The following GREB1L variants were observed in gnomAD, a reference collection of about 807,000 sequenced individuals.
GREB1L encodes the protein GREB1-like protein.
In GREB1L, 17 loss-of-function variants were observed where a neutral mutation model predicts 200.8. That is an observed-to-expected ratio of 0.08 (90% CI 0.06 to 0.13). GREB1L has a LOEUF of 0.13. GREB1L is among the 10% of genes least tolerant of loss of function. The probability of loss-of-function intolerance (pLI) is 1.00; values close to 1 mark genes in which losing one functional copy is unlikely to be tolerated. For missense variants in GREB1L, 1,657 were observed against 2,367.7 expected, an observed-to-expected ratio of 0.70 and a Z score of 6.23; for synonymous variants, 789 against 893.0, an observed-to-expected ratio of 0.88 and a Z score of 2.08.
intron 21 of GREB1L, among the ~76,000 whole-genome samples, chr18:21,497,801 T>TC (rs1598930294): frequency 4.0e-4 from 34 of 85,606 alleles, no homozygotes; most frequent in Non-Finnish European, 6.6e-4. Flanking sequence ...CCCCTCCTTC[T>TC]CCCCTCACCA....
chr18:21,300,606 A>G (rs75221057), intron 1 of GREB1L, among the ~76,000 whole-genome samples: 3,602 of 152,290 alleles, frequency 0.024, 157 homozygotes, highest in Admixed American at 0.11. Context: ...GTTTTAATCT[A>G]TAAAATCAAC....
intron 7 of GREB1L, among the ~76,000 whole-genome samples, chr18:21,411,862 G>A (rs1056652705): frequency 6.6e-6 from 1 of 151,484 alleles, no homozygotes; most frequent in East Asian, 2.0e-4. Flanking sequence ...TGGCTAACAC[G>A]GTGAAACCCC....
intron 15 of GREB1L, among the ~76,000 whole-genome samples, chr18:21,455,319 AACACAC>A (rs10581600): frequency 2.4e-4 from 36 of 150,744 alleles, no homozygotes; most frequent in Middle Eastern, 3.4e-3. Context: ...AGCTGAGGAA[AACACAC>A]ACACACACAC....
intron 1 of GREB1L, 115 bp downstream of exon 1, chr18:21,242,508 C>G (rs539854935): frequency 6.6e-6 from 1 of 152,300 alleles, no homozygotes; most frequent in Non-Finnish European, 1.5e-5. Flanking sequence ...GACGCCCTGG[C>G]CGCGCGGGGA....
chr18:21,350,536 G>A (rs1230722326), intron 1 of GREB1L, among the ~76,000 whole-genome samples: 2 of 152,140 alleles, frequency 1.3e-5, no homozygotes, highest in African/African-American at 4.8e-5. Context: ...GCTGCGCCCA[G>A]CTAGATTTTG....
At chr18:21,333,546 G>T (rs2039138877) in intron 1 of GREB1L, among the ~76,000 whole-genome samples, 1 of 151,826 alleles carries the variant, frequency 6.6e-6, no homozygotes, top group Non-Finnish European at 1.5e-5. Flanking sequence ...GTGGTGGCAG[G>T]TGCCTGTAAT....
chr18:21,290,847 AT>A (rs2038438557), intron 1 of GREB1L, among the ~76,000 whole-genome samples: 6 of 150,000 alleles, frequency 4.0e-5, no homozygotes, highest in African/African-American at 1.5e-4. Flanking sequence ...AAAAAAAAAG[AT>A]AGACCATCTC....
intron 1 of GREB1L, among the ~76,000 whole-genome samples, chr18:21,304,982 CT>C (rs755417202): frequency 0.03 from 4,261 of 144,356 alleles, 192 homozygotes; most frequent in African/African-American, 0.096. Flanking sequence ...CTGTGTTAAT[CT>C]TTTTTTTTTT....
chr18:21,405,200 T>TGA (rs1206826746), intron 7 of GREB1L, among the ~76,000 whole-genome samples: 1 of 152,222 alleles, frequency 6.6e-6, no homozygotes, highest in African/African-American at 2.4e-5. Context: ...TTAGAATAAA[T>TGA]GAGAGAACAT....
chr18:21,496,742 C>T (rs1391916083), intron 21 of GREB1L, 44 bp downstream of exon 21: 1 of 1,537,696 alleles, frequency 6.5e-7, no homozygotes, highest in Non-Finnish European at 8.8e-7. Context: ...AGACATGAGT[C>T]AGGAGGTGTG....
chr18:21,406,526 T>A (rs143925925), intron 7 of GREB1L, among the ~76,000 whole-genome samples: 1 of 152,376 alleles, frequency 6.6e-6, no homozygotes, highest in Non-Finnish European at 1.5e-5. Context: ...GACTTTTCAA[T>A]AATTTCTTTC....
At chr18:21,363,894 T>C (rs1369886230) in intron 1 of GREB1L, 10 of 152,216 alleles carry the variant, frequency 6.6e-5, no homozygotes, top group Admixed American at 2.6e-4. Flanking sequence ...TTGCAAAATG[T>C]GTTTGAATAT....
intron 2 of GREB1L, among the ~76,000 whole-genome samples, chr18:21,368,240 A>G (rs143716982): frequency 0.012 from 1,809 of 152,268 alleles, 41 homozygotes; most frequent in African/African-American, 0.041. Flanking sequence ...CTCATTTTCT[A>G]TTTTCTCAAG....
chr18:21,445,640 T>C (rs1348434438), intron 11 of GREB1L, among the ~76,000 whole-genome samples: 1 of 152,184 alleles, frequency 6.6e-6, no homozygotes, highest in Non-Finnish European at 1.5e-5. Context: ...AGAAAAAAGC[T>C]TTATTAGGGC....
chr18:21,454,663 A>G, intron 15 of GREB1L, 100 bp downstream of exon 15: 1 of 897,672 alleles, frequency 1.1e-6, no homozygotes. Context: ...GATGCTTAAA[A>G]CCTTCTTCAG....
chr18:21,403,085 A>T (rs2041386620), intron 6 of GREB1L, among the ~76,000 whole-genome samples: 1 of 152,148 alleles, frequency 6.6e-6, no homozygotes, highest in African/African-American at 2.4e-5. Flanking sequence ...AGACACTCTA[A>T]AGGACCATCT....
chr18:21,516,520 C>G, intron 29 of GREB1L, 93 bp from the exon 30 acceptor site: 1 of 1,254,172 alleles, frequency 8.0e-7, no homozygotes, highest in Admixed American at 2.3e-5. Context: ...TTTTAGGCTC[C>G]TAATATCTTG....
At chr18:21,273,843 A>G (rs533322621) in intron 1 of GREB1L, among the ~76,000 whole-genome samples, 67 of 152,310 alleles carry the variant, frequency 4.4e-4, no homozygotes, top group African/African-American at 1.6e-3. Context: ...AGATGTAAGC[A>G]TGGGCCTCCA....
At chr18:21,304,293 T>TC (rs2038665018) in intron 1 of GREB1L, among the ~76,000 whole-genome samples, 1 of 152,008 alleles carries the variant, frequency 6.6e-6, no homozygotes, top group Admixed American at 6.5e-5. Flanking sequence ...TTATTGTCAG[T>TC]CATACAGTCT....
Sources: gnomAD v4.1 joint callset for allele counts (sites outside exome capture counted in the v4.1 genomes callset) on GRCh38, gnomAD v4.1.1 for gene constraint, MANE v1.5 for transcripts, NCBI Gene and HGNC (gene_info 2026-07-23, HGNC 2026-07-21) for gene names.